The following RGS6 variants were observed in gnomAD, a reference collection of about 807,000 sequenced individuals.
RGS6 encodes regulator of G-protein signaling 6.
A neutral mutation model predicts 78.5 loss-of-function variants in RGS6; 30 were observed. That is an observed-to-expected ratio of 0.38 (90% CI 0.29 to 0.52). The LOEUF is 0.52. Ranked by LOEUF, RGS6 falls within the 20% of genes least tolerant of loss-of-function variation. The probability of loss-of-function intolerance (pLI) is 0.85; values close to 1 mark genes in which losing one functional copy is unlikely to be tolerated. For missense variants in RGS6, 495 were observed against 609.7 expected (o/e 0.81, Z 1.98); for synonymous variants, 206 against 206.0 (o/e 1.00, Z 0.00).
At chr14:72,540,140 G>A in intron 17 of RGS6, 46 bp downstream of exon 17, 7 of 1,544,994 alleles carry the variant, frequency 4.5e-6, no homozygotes, top group Non-Finnish European at 5.2e-6. Context: ...TTTGGTTTTG[G>A]TTTTTTCTTT....
chr14:72,409,353 T>A, intron 3 of RGS6, among the ~76,000 whole-genome samples: 1 of 151,868 alleles, frequency 6.6e-6, no homozygotes, highest in East Asian at 1.9e-4. Context: ...ATATTTGATT[T>A]GTTAGAGTAG....
chr14:72,013,900 T>C (rs971812601), intron 2 of RGS6, among the ~76,000 whole-genome samples: 4 of 152,242 alleles, frequency 2.6e-5, no homozygotes, highest in African/African-American at 9.6e-5. Flanking sequence ...TCGTGTTCTT[T>C]AATTCATGTG....
the RGS6 span, chr14:72,612,327 C>A: frequency 2.3e-6 from 1 of 431,804 alleles, no homozygotes; most frequent in Admixed American, 2.5e-5. Flanking sequence ...CCCTGCCTAC[C>A]TACCCCGCCT....
At chr14:72,191,318 A>C (rs540864645) in intron 2 of RGS6, among the ~76,000 whole-genome samples, 3 of 147,878 alleles carry the variant, frequency 2.0e-5, no homozygotes, top group Admixed American at 1.4e-4. Context: ...CACACCATGC[A>C]TGTGACTTGA....
the RGS6 span, among the ~76,000 whole-genome samples, chr14:72,629,272 G>A: frequency 6.6e-6 from 1 of 152,212 alleles, no homozygotes; most frequent in African/African-American, 2.4e-5. Flanking sequence ...CTTTGTCGAA[G>A]CTGGTGATGG....
chr14:72,100,245 C>A (rs1364387372), intron 2 of RGS6, among the ~76,000 whole-genome samples: 1 of 152,146 alleles, frequency 6.6e-6, no homozygotes, highest in Non-Finnish European at 1.5e-5. Context: ...TGGCTCAGGC[C>A]TGTAATCCCA....
chr14:72,011,537 T>C (rs748050676), intron 2 of RGS6, among the ~76,000 whole-genome samples: 14 of 151,772 alleles, frequency 9.2e-5, no homozygotes, highest in Non-Finnish European at 1.3e-4. Context: ...ACCCAGGAGA[T>C]TGGAAGGAAT....
At chr14:72,454,448 T>G in intron 3 of RGS6, 80 bp from the exon 4 acceptor site, 1 of 1,408,120 alleles carries the variant, frequency 7.1e-7, no homozygotes, top group Non-Finnish European at 1.0e-6. Context: ...GAATTAGGAT[T>G]CTCTTAGGTA....
At chr14:72,270,528 TG>T (rs1400820488) in intron 2 of RGS6, among the ~76,000 whole-genome samples, 1 of 152,224 alleles carries the variant, frequency 6.6e-6, no homozygotes, top group Non-Finnish European at 1.5e-5. Context: ...TTGGTGTGGT[TG>T]GCGGCATTAG....
chr14:72,482,002 T>G (rs1211164433), intron 12 of RGS6, among the ~76,000 whole-genome samples: 2 of 151,922 alleles, frequency 1.3e-5, no homozygotes, highest in Non-Finnish European at 2.9e-5. Flanking sequence ...AGTAGAGACA[T>G]GGTTTCACCA....
intron 2 of RGS6, among the ~76,000 whole-genome samples, chr14:72,098,608 C>G (rs1299424342): frequency 2.0e-5 from 3 of 152,160 alleles, no homozygotes; most frequent in Non-Finnish European, 4.4e-5. Context: ...GAAAGAGTTG[C>G]CAACATTTAT....
the RGS6 span, among the ~76,000 whole-genome samples, chr14:72,628,368 T>C: frequency 6.6e-6 from 1 of 152,090 alleles, no homozygotes; most frequent in African/African-American, 2.4e-5. Flanking sequence ...AGGGAAAGAA[T>C]CAAGCATTTT....
chr14:72,019,594 G>T (rs1484408214), intron 2 of RGS6, among the ~76,000 whole-genome samples: 1 of 106,910 alleles, frequency 9.4e-6, no homozygotes, highest in East Asian at 2.8e-4. Flanking sequence ...CTTACTCTCA[G>T]GTTTACTAAG....
At chr14:71,886,172 T>G in the RGS6 span, among the ~76,000 whole-genome samples, 2 of 152,330 alleles carry the variant, frequency 1.3e-5, no homozygotes, top group South Asian at 4.1e-4. Flanking sequence ...TTGAGGCCTG[T>G]TGATATGATG....
intron 2 of RGS6, among the ~76,000 whole-genome samples, chr14:72,335,415 G>A (rs1271062015): frequency 2.0e-5 from 3 of 152,136 alleles, no homozygotes; most frequent in Admixed American, 1.3e-4. Context: ...TCCTAGGGAG[G>A]ACTAGATTAA....
chr14:72,562,652 T>TC lies in RGS6; in HGVS notation c.*187dup. On this transcript the variant is annotated 3_prime_UTR_variant, in exon 18 of 18. Coordinates refer to ENST00000553525, the MANE Select transcript of RGS6 (RefSeq NM_001204424.2). The stretch of plus-strand genomic sequence containing the variant: ...GAATGGGGAGACCAGAAAGAAAGAG[T>TC]CCACAGAGCCTGGGCTGGGCCCGGT... 1 of 1,535,132 alleles carries TC rather than the reference T, an allele frequency of 6.5e-7. No individual in the cohort carries two copies. The highest frequency in any genetic ancestry group is 8.7e-7 in the Non-Finnish European group (1 of 1,146,660).
At chr14:72,364,025 A>AG (rs1566632987) in intron 3 of RGS6, among the ~76,000 whole-genome samples, 2 of 151,066 alleles carry the variant, frequency 1.3e-5, no homozygotes, top group Admixed American at 6.6e-5. Context: ...AAAAAAAAAA[A>AG]ACTCTATATT....
At chr14:72,329,033 G>A (rs2074399864) in intron 2 of RGS6, among the ~76,000 whole-genome samples, 1 of 151,988 alleles carries the variant, frequency 6.6e-6, no homozygotes, top group Non-Finnish European at 1.5e-5. Context: ...CACCACACCT[G>A]GCTAATTTTT....
chr14:72,132,861 C>T (rs1188437275), intron 2 of RGS6, among the ~76,000 whole-genome samples: 23 of 150,274 alleles, frequency 1.5e-4, no homozygotes, highest in Non-Finnish European at 7.4e-5. Context: ...GACTTGGCTT[C>T]ATTGATCTTA....
Sources: gnomAD v4.1 joint callset for allele counts (sites outside exome capture counted in the v4.1 genomes callset) on GRCh38, gnomAD v4.1.1 for gene constraint, MANE v1.5 for transcripts, NCBI Gene and HGNC (gene_info 2026-07-23, HGNC 2026-07-21) for gene names.